LRRD1: variants seen among roughly 807,000 people sequenced by gnomAD.
The protein encoded by LRRD1 is leucine-rich repeat and death domain-containing protein 1.
A neutral mutation model predicts 69.5 loss-of-function variants in LRRD1; 49 were observed. The observed-to-expected ratio is 0.70, with a 90% CI of 0.56 to 0.89. The LOEUF (loss-of-function observed/expected upper bound fraction) is 0.89. Among genes scored for constraint, LRRD1 ranks in the 40% least tolerant of loss-of-function variants. LRRD1 has a pLI of 0.00. For missense variants in LRRD1, 853 were observed against 956.0 expected (o/e 0.89, Z 1.42); for synonymous variants, 303 against 338.9 (o/e 0.89, Z 1.16).
Position 92,144,941 on chromosome 7 carries a change from T to G in LRRD1, c.2530A>C (p.Ile844Leu). 1 of 1,539,080 alleles carries G rather than the reference T, an allele frequency of 6.5e-7. No individual in the cohort carries two copies. The highest frequency in any genetic ancestry group is 8.8e-7 in the Non-Finnish European group (1 of 1,139,366). The part of the protein sequence containing the change: ...RALTMIGAYE[I>L]MDKITALNLF... ...TTTAAAGCTGTTATTTTGTCCATAA[T>G]TTCATATGCTCCTATCATAGTTAGT... The change falls in exon 6 of 6, where the codon ATT becomes CTT. Residue 844 changes from isoleucine (I) to leucine (L), a missense_variant. Physicochemically the swap from Ile to Leu is conservative, Grantham distance 5 (BLOSUM62 2). Around this residue, in one of 3 missense-constraint regions of LRRD1, gnomAD observed 739 missense variants for 808.0 expected, o/e 0.91. Transcript: ENST00000458448.
chr7:92,158,156 A>G (rs1329215293), intron 3 of LRRD1, among the ~76,000 whole-genome samples: 1 of 152,104 alleles, frequency 6.6e-6, no homozygotes, highest in Non-Finnish European at 1.5e-5. Context: ...AATAGAATAG[A>G]GCAGAAGTGA....
Position 92,163,888 on chromosome 7 carries a change from G to A in LRRD1, c.1315C>T (p.His439Tyr), listed in dbSNP as rs1223758431. 1 of 1,526,250 alleles carries A rather than the reference G, an allele frequency of 6.6e-7. No individual in the cohort carries two copies. Among genetic ancestry groups the A allele is most frequent in the Admixed American group, 2.3e-5 (1 of 43,976 alleles). The allele number at this position is 1,526,250 out of a possible 1,614,324, so 94.5% of individuals were successfully genotyped here. The part of the protein sequence containing the change: ...NMVKITDCIS[H>Y]LNNICSLEFS... Reference sequence around the variant, plus strand: ...TCTAGACTGCATATGTTATTAAGATGTGAGATACAGTCAGTTATTTTTACC... The same window carrying A: ...TCTAGACTGCATATGTTATTAAGATATGAGATACAGTCAGTTATTTTTACC... Residue 439 changes from histidine (H) to tyrosine (Y), a missense_variant, in exon 2 of 6, where the codon CAT becomes TAT. His to Tyr is a moderately conservative substitution (Grantham distance 83). Transcript: ENST00000458448.
At chr7:92,143,544 T>C (rs988269443), downstream of LRRD1, among the ~76,000 whole-genome samples, 2 of 152,054 alleles carry the variant, frequency 1.3e-5, no homozygotes, top group Non-Finnish European at 2.9e-5. Context: ...CGGCGAGAAA[T>C]TGAGCACAGC....
chr7:92,142,731 C>T (rs756493547), downstream of LRRD1: 2 of 431,202 alleles, frequency 4.6e-6, no homozygotes, highest in Non-Finnish European at 4.6e-6. Flanking sequence ...TGCAGACCTT[C>T]GCAGTGAGTG....
intron 2 of LRRD1, among the ~76,000 whole-genome samples, chr7:92,161,573 C>A (rs1788796103): frequency 6.6e-6 from 1 of 152,182 alleles, no homozygotes. Flanking sequence ...AACCAAGGAC[C>A]AGGTTGTAGA....
At position 92,163,971 on chromosome 7, in the gene LRRD1, G is replaced by T. The variant is rs1340467802; in HGVS notation, c.1232C>A (p.Pro411His). 1 of 1,531,430 alleles carries T rather than the reference G, an allele frequency of 6.5e-7. No individual in the cohort carries two copies. The highest frequency in any genetic ancestry group is 8.8e-7 in the Non-Finnish European group (1 of 1,140,238). The allele number at this position is 1,531,430 out of a possible 1,614,324, so 94.9% of individuals were successfully genotyped here. Residue 411 changes from proline to histidine, a missense_variant, in exon 2 of 6, where the codon CCT (proline) becomes CAT (histidine). Physicochemically the swap from Pro to His is moderately conservative, Grantham distance 77. This residue lies in a region of LRRD1 where 739 missense variants were observed against 808.0 expected (regional missense o/e 0.91). Transcript: ENST00000458448. The part of the protein sequence containing the change: ...SLSDNKLTEL[P>H]KYIHKLNNLR... ...ATTGTTAAGCTTATGGATGTACTTA[G>T]GGAGTTCTGTTAATTTATTATCACT... is the stretch of plus-strand genomic sequence containing the variant.
At chr7:92,142,787 G>T (rs1048572187), downstream of LRRD1, 1 of 445,600 alleles carries the variant, frequency 2.2e-6, no homozygotes, top group South Asian at 1.6e-5. Context: ...CTTTCTCCCG[G>T]TGGGTTCCTG....
intron 4 of LRRD1, chr7:92,149,901 A>ACAGAT (rs1201021863): frequency 4.4e-6 from 2 of 456,606 alleles, no homozygotes; most frequent in Non-Finnish European, 8.8e-6. Context: ...ATTGGAACTG[A>ACAGAT]CAGATTTATG....
At chr7:92,178,186 G>A (rs547224476) in intron 1 of LRRD1, among the ~76,000 whole-genome samples, 1 of 151,718 alleles carries the variant, frequency 6.6e-6, no homozygotes, top group Non-Finnish European at 1.5e-5. Context: ...AGTGGCGGGC[G>A]CCTGTAGTCC....
At chr7:92,150,968 A>G (rs1584651456) in intron 3 of LRRD1, among the ~76,000 whole-genome samples, 1 of 152,204 alleles carries the variant, frequency 6.6e-6, no homozygotes, top group African/African-American at 2.4e-5. Flanking sequence ...TGTGATGGTA[A>G]TTTTTAAACT....
chr7:92,165,583 G>A (rs1210241046), intron 1 of LRRD1, among the ~76,000 whole-genome samples: 5 of 152,008 alleles, frequency 3.3e-5, no homozygotes, highest in African/African-American at 9.7e-5. Flanking sequence ...AAAGGGGGCC[G>A]GGTGCGGTGG....
chr7:92,155,144 C>T (rs1788624442), intron 3 of LRRD1, among the ~76,000 whole-genome samples: 5 of 152,276 alleles, frequency 3.3e-5, no homozygotes, highest in Admixed American at 2.0e-4. Flanking sequence ...AAAGGAAGCA[C>T]TTTAAGGCTT....
rs189570299 is a variant in LRRD1 at position 92,154,332 on chromosome 7, T to C, written c.2117-3637A>G. Among the ~76,000 whole-genome samples the C allele has an allele frequency of 1.8e-3, 276 of 152,166 alleles. 1 individual carries two copies. Among genetic ancestry groups the C allele is most frequent in the African/African-American group, 6.5e-3 (269 of 41,524 alleles). On this transcript the variant is annotated intron_variant, in intron 3 of 5. Transcript: ENST00000458448. ...TTGGCTCATTGCAGCCTCAGCCTCA[T>C]GGGTTCAAGTGATCCTCCCACCTCA...
At chr7:92,155,046 G>A (rs1788622035) in intron 3 of LRRD1, among the ~76,000 whole-genome samples, 1 of 152,234 alleles carries the variant, frequency 6.6e-6, no homozygotes, top group South Asian at 2.1e-4. Context: ...CAATTTCATC[G>A]ATAGAATATT....
At chr7:92,178,526 C>A (rs962823805) in intron 1 of LRRD1, among the ~76,000 whole-genome samples, 2 of 151,722 alleles carry the variant, frequency 1.3e-5, no homozygotes, top group Non-Finnish European at 2.9e-5. Flanking sequence ...CAAAATTAGC[C>A]GGTCGTGGCG....
At chr7:92,167,950 A>G (rs1268043895) in intron 1 of LRRD1, among the ~76,000 whole-genome samples, 1 of 150,474 alleles carries the variant, frequency 6.6e-6, no homozygotes, top group Admixed American at 6.6e-5. Context: ...ATGCTTGATA[A>G]GATTTGATTA....
Position 92,165,038 on chromosome 7 carries a change from A to T in LRRD1, c.165T>A (p.Ile55=), listed in dbSNP as rs1380626262. ...DYLEGKSSNQ[I]YETHPRQNTL... Reference sequence around the variant, plus strand: ...TATTCTGTCTAGGATGTGTTTCATAAATCTGGTTAGAAGATTTCCCTTCCA... The same window carrying T: ...TATTCTGTCTAGGATGTGTTTCATATATCTGGTTAGAAGATTTCCCTTCCA... Residue 55 remains isoleucine (I), a synonymous_variant, in exon 2 of 6, where the codon ATT becomes ATA. Transcript: ENST00000458448. 3 of 1,551,536 alleles carry T rather than the reference A, an allele frequency of 1.9e-6. No homozygotes were observed.
chr7:92,145,709 G>A (rs909511658), intron 5 of LRRD1, among the ~76,000 whole-genome samples: 1 of 152,088 alleles, frequency 6.6e-6, no homozygotes, highest in African/African-American at 2.4e-5. Flanking sequence ...TAAATGCTGG[G>A]ATTACAGGTG....
At chr7:92,155,723 G>A (rs548905060) in intron 3 of LRRD1, among the ~76,000 whole-genome samples, 3 of 152,298 alleles carry the variant, frequency 2.0e-5, no homozygotes, top group African/African-American at 4.8e-5. Context: ...TCCAAGTCCC[G>A]AAACCTCAAA....
Sources: gnomAD v4.1 joint callset for allele counts (sites outside exome capture counted in the v4.1 genomes callset) on GRCh38, gnomAD v4.1.1 for gene constraint, gnomAD v4.1.1 regional missense constraint, MANE v1.5 for transcripts, NCBI Gene and HGNC (gene_info 2026-07-23, HGNC 2026-07-21) for gene names.